The following TEX264 variants were observed in gnomAD, a reference collection of about 807,000 sequenced individuals.
TEX264 encodes the protein testis expressed 264, ER-phagy receptor, also known as testis-expressed protein 264.
In TEX264, 13 loss-of-function variants were observed where a neutral mutation model predicts 23.4. That is an observed-to-expected ratio of 0.56 (90% CI 0.36 to 0.88). The LOEUF (loss-of-function observed/expected upper bound fraction) is 0.88, where lower values mean the gene tolerates loss of function less well. TEX264 is among the 40% of genes least tolerant of loss of function. The pLI is 0.01. For synonymous variants in TEX264, 159 were observed against 170.0 expected (o/e 0.94, Z 0.50); for missense variants, 340 against 406.8 (o/e 0.84, Z 1.41).
intron 2 of TEX264, among the ~76,000 whole-genome samples, chr3:51,678,867 A>G (rs1411781678): frequency 6.6e-6 from 1 of 152,172 alleles, no homozygotes; most frequent in Non-Finnish European, 1.5e-5. Flanking sequence ...GTGAGGGAGT[A>G]GGATTTCCCA....
At position 51,674,262 on chromosome 3, in the gene TEX264, C is replaced by A; in HGVS notation, c.-34-9C>A. 3 of 1,610,914 alleles carry A rather than the reference C, an allele frequency of 1.9e-6. No homozygotes were observed. The highest frequency in any genetic ancestry group is 1.7e-5 in the Admixed American group (1 of 59,940). ...TACCAGCCTCCTCTCCCTTCTTTCT[C>A]CTTTGCAGCTGCCTTGAGGTGCAGT... On this transcript the variant is annotated splice_polypyrimidine_tract_variant and intron_variant, in intron 1 of 4. Coordinates refer to ENST00000341333, the MANE Select transcript of TEX264 (RefSeq NM_015926.6).
At chr3:51,688,952 A>G (rs1702725986) in intron 3 of TEX264, among the ~76,000 whole-genome samples, 2 of 151,490 alleles carry the variant, frequency 1.3e-5, no homozygotes, top group African/African-American at 4.9e-5. Context: ...CATAAGTGAG[A>G]TCCTGCCTCT....
chr3:51,682,443 G>C (rs1702462981), intron 2 of TEX264: 2 of 152,296 alleles, frequency 1.3e-5, no homozygotes, highest in South Asian at 2.1e-4. Context: ...ACGCTGAAAG[G>C]CTCTTCAAGA....
intron 2 of TEX264, chr3:51,682,703 C>T (rs933174570): frequency 1.3e-5 from 2 of 152,196 alleles, no homozygotes; most frequent in African/African-American, 4.8e-5. Context: ...TAGAATCACA[C>T]GACTCAGATT....
intron 2 of TEX264, among the ~76,000 whole-genome samples, chr3:51,678,220 G>T (rs1031268025): frequency 2.0e-5 from 3 of 152,172 alleles, no homozygotes; most frequent in African/African-American, 7.2e-5. Context: ...TCCCTTTTGG[G>T]GCCTGGTCCC....
chr3:51,672,573 G>A (rs759452975), intron 1 of TEX264, among the ~76,000 whole-genome samples: 1 of 152,194 alleles, frequency 6.6e-6, no homozygotes, highest in African/African-American at 2.4e-5. Flanking sequence ...CCAGCTTTGG[G>A]CTCAGAGATG....
chr3:51,673,874 G>T, intron 1 of TEX264, among the ~76,000 whole-genome samples: 1 of 152,144 alleles, frequency 6.6e-6, no homozygotes, highest in East Asian at 1.9e-4. Context: ...TCAGCTGTGG[G>T]GAGGAAGAGG....
intron 3 of TEX264, among the ~76,000 whole-genome samples, chr3:51,696,816 G>A (rs1042889703): frequency 3.9e-5 from 6 of 152,206 alleles, no homozygotes; most frequent in Admixed American, 1.3e-4. Context: ...ATGATTTGGG[G>A]CTGAACAGTC....
Position 51,699,605 on chromosome 3 carries a change from C to G in TEX264, c.649+31C>G, listed in dbSNP as rs566855739. The G allele has an allele frequency of 5.6e-6, 9 of 1,607,932 alleles. No individual in the cohort carries two copies. The South Asian group carries it at 6.6e-5, about 12-fold the overall frequency. On this transcript the variant is annotated intron_variant, in intron 4 of 4. Transcript: ENST00000341333. ...GAAGGTGGGGTATGAGGATGGGGCC[C>G]TCCTGGAGCTCCTCTCTTCTGGACT...
intron 1 of TEX264, chr3:51,671,940 G>A (rs1009762858): frequency 1.3e-5 from 2 of 152,378 alleles, no homozygotes; most frequent in East Asian, 3.9e-4. Context: ...TCTGAGCGGA[G>A]GGGGAGCCGA....
rs766273698 is a variant in TEX264, at chr3:51,693,476, GT to G, written c.481-5909del. On this transcript the variant is annotated intron_variant, in intron 3 of 4. Transcript: ENST00000341333. Reference sequence around the variant, plus strand: ...GGCCATTATATCTCGTTTCCATTATGTTTTTTTTTTTTTTTTTTTTTGAGAC... The same window carrying G: ...GGCCATTATATCTCGTTTCCATTATGTTTTTTTTTTTTTTTTTTTTGAGAC... Among the ~76,000 whole-genome samples, 384 of 121,704 alleles carry G rather than the reference GT, an allele frequency of 3.2e-3. 1 individual carries two copies. The highest frequency in any genetic ancestry group is 4.1e-3 in the African/African-American group (135 of 33,098). 79.8% of individuals were successfully genotyped at this position (121,704 alleles called of 152,430 possible).
chr3:51,694,305 A>G (rs1038240320), intron 3 of TEX264, among the ~76,000 whole-genome samples: 2 of 151,892 alleles, frequency 1.3e-5, no homozygotes, highest in Non-Finnish European at 2.9e-5. Context: ...TAATTTTTGT[A>G]TTTGTAGTAG....
At chr3:51,701,334 T>C (rs560705241) in intron 4 of TEX264, among the ~76,000 whole-genome samples, 81 of 151,220 alleles carry the variant, frequency 5.4e-4, no homozygotes, top group African/African-American at 1.7e-3. Context: ...TTTTTTTTTT[T>C]CTTCTGCGGC....
intron 1 of TEX264, among the ~76,000 whole-genome samples, chr3:51,673,432 A>C (rs1377156066): frequency 6.6e-6 from 1 of 152,202 alleles, no homozygotes; most frequent in African/African-American, 2.4e-5. Context: ...GCTCTTGAAC[A>C]GCTTCTTTTC....
intron 3 of TEX264, among the ~76,000 whole-genome samples, chr3:51,697,497 C>T (rs568860224): frequency 6.6e-6 from 1 of 152,348 alleles, no homozygotes; most frequent in South Asian, 2.1e-4. Context: ...TCAGCTACTA[C>T]CCTTTGGGTC....
At chr3:51,699,079 C>A (rs777798689) in intron 3 of TEX264, among the ~76,000 whole-genome samples, 1 of 152,130 alleles carries the variant, frequency 6.6e-6, no homozygotes, top group South Asian at 2.1e-4. Context: ...CTTCATGGCT[C>A]TGTGAGACCA....
In TEX264 at chr3:51,699,432, G is replaced by C. The variant is rs765560396; in HGVS notation, c.507G>C (p.Arg169=). The change falls in exon 4 of 5, where the codon CGG becomes CGC. Residue 169 remains arginine (R), a synonymous_variant. Transcript: ENST00000341333. ...AGCGGAAGCTGTGTGCCTATCCTCG[G>C]CTGGAGATCTACCAGGAAGACCAGA... ...IKERKLCAYP[R]LEIYQEDQIH... The C allele has an allele frequency of 1.9e-5, 30 of 1,613,832 alleles. No homozygotes were observed. The highest frequency in any genetic ancestry group is 2.4e-5 in the Non-Finnish European group (28 of 1,179,894).
At position 51,686,683 on chromosome 3, in the gene TEX264, G is replaced by T. The variant is rs377680869; in HGVS notation, c.480+2049G>T. Reference sequence around the variant, plus strand: ...GCGGTTGGACTGGAGGTGGGGGCGGGCTGGCTGGTGGTGTGGGCAGGAAGG... The same window carrying T: ...GCGGTTGGACTGGAGGTGGGGGCGGTCTGGCTGGTGGTGTGGGCAGGAAGG... On this transcript the variant is annotated intron_variant, in intron 3 of 4. Coordinates refer to ENST00000341333, the MANE Select transcript of TEX264 (RefSeq NM_015926.6). The surrounding 1 kb of genome is among the most constrained non-coding windows in gnomAD (Gnocchi z 4.1). 4.6e-5 allele frequency among the ~76,000 whole-genome samples: 7 copies of T among 152,078 alleles called. No homozygotes were observed. Among genetic ancestry groups the T allele is most frequent in the African/African-American group, 1.4e-4 (6 of 41,504 alleles).
At position 51,703,877 on chromosome 3, in the gene TEX264, C is replaced by T; in HGVS notation, c.803C>T (p.Ala268Val). ...RSEHSYSESGASGSSFEELDL... is the reference protein window; with the variant it reads ...RSEHSYSESGVSGSSFEELDL... The stretch of plus-strand genomic sequence containing the variant: ...GAGCACAGCTACAGCGAGTCAGGTG[C>T]CAGCGGCTCCTCTTTTGAGGAGCTG... Residue 268 changes from alanine to valine, a missense_variant, in exon 5 of 5, where the codon GCC becomes GTC. By Grantham distance (64) the Ala-to-Val change is moderately conservative. Transcript: ENST00000341333. The surrounding 1 kb of genome is among the most constrained non-coding windows in gnomAD (Gnocchi z 4.8). The T allele has an allele frequency of 6.2e-7, 1 of 1,612,158 alleles. No individual in the cohort carries two copies. Among genetic ancestry groups the T allele is most frequent in the Non-Finnish European group, 8.5e-7 (1 of 1,178,734 alleles).
Sources: gnomAD v4.1 joint callset for allele counts (sites outside exome capture counted in the v4.1 genomes callset) on GRCh38, gnomAD v4.1.1 for gene constraint, Gnocchi (gnomAD v3.1) non-coding constraint, MANE v1.5 for transcripts, NCBI Gene and HGNC (gene_info 2026-07-23, HGNC 2026-07-21) for gene names.